Variants in SEC31A observed in about 807,000 individuals in gnomAD.
SEC31A encodes the protein SEC31 homolog A, COPII component.
SEC31A carries 70 observed loss-of-function variants against 151.0 expected under a neutral mutation model. The observed-to-expected ratio is 0.46, with a 90% CI of 0.38 to 0.57. SEC31A has a LOEUF of 0.57. Among genes scored for constraint, SEC31A ranks in the 20% least tolerant of loss-of-function variants. The pLI is 0.00. For synonymous variants in SEC31A, 475 were observed against 505.9 expected (o/e 0.94, Z 0.82); for missense variants, 1,330 against 1,471.2 (o/e 0.90, Z 1.57).
chr4:82,835,962 G>A (rs1320863463), intron 22 of SEC31A, among the ~76,000 whole-genome samples: 2 of 152,116 alleles, frequency 1.3e-5, no homozygotes, highest in South Asian at 2.1e-4. Flanking sequence ...TGAAACACTC[G>A]TGCATTCCTG....
chr4:82,830,526 C>T (rs550812025), intron 22 of SEC31A, among the ~76,000 whole-genome samples: 1 of 152,086 alleles, frequency 6.6e-6, no homozygotes, highest in South Asian at 2.1e-4. Flanking sequence ...TACTAGGAGA[C>T]AGAAAATCAG....
chr4:82,821,618 T>A (rs901634649), intron 25 of SEC31A, among the ~76,000 whole-genome samples: 2 of 117,554 alleles, frequency 1.7e-5, no homozygotes, highest in Admixed American at 1.8e-4. Flanking sequence ...CTATCAAGGG[T>A]GGAGGGTGGA....
upstream of SEC31A, among the ~76,000 whole-genome samples, chr4:82,891,885 G>A (rs6535407): frequency 0.25 from 38,171 of 152,158 alleles, 5,327 homozygotes; most frequent in East Asian, 0.49. Context: ...TTTACAGCAA[G>A]GTGAAGCCAA....
chr4:82,881,707 G>A (rs1739377792), intron 2 of SEC31A, 151 bp downstream of exon 2: 4 of 625,094 alleles, frequency 6.4e-6, no homozygotes, highest in Admixed American at 5.3e-5. Flanking sequence ...TGGGAACACA[G>A]AGGAAGAACA....
At chr4:82,892,938 T>C (rs1427493086), upstream of SEC31A, 2 of 152,258 alleles carry the variant, frequency 1.3e-5, no homozygotes, top group Non-Finnish European at 2.9e-5. Flanking sequence ...TTCACAAAAC[T>C]AAATCCAATT....
intron 1 of SEC31A, among the ~76,000 whole-genome samples, chr4:82,882,209 C>T (rs1393521108): frequency 2.6e-5 from 4 of 152,004 alleles, no homozygotes; most frequent in African/African-American, 4.8e-5. Flanking sequence ...TGAGACCATC[C>T]TGGCTAACAT....
chr4:82,872,080 A>G lies in SEC31A; in HGVS notation c.646T>C (p.Cys216Arg). ...KVSDHSNRMH[C>R]SGLAWHPDVA... ...TCAGGATGCCATGCCAACCCAGAAC[A>G]ATGCATCTGAAGATAGTTAAGGTTC... Residue 216 changes from cysteine (C) to arginine (R), a missense_variant, in exon 7 of 27, where the codon TGT becomes CGT. Coordinates refer to ENST00000395310, the MANE Select transcript of SEC31A (RefSeq NM_001077207.4). 6.2e-7 allele frequency: 1 copy of G among 1,613,048 alleles called. No individual in the cohort carries two copies. Among genetic ancestry groups the G allele is most frequent in the Non-Finnish European group, 8.5e-7 (1 of 1,179,096 alleles).
chr4:82,828,601 C>T (rs1053284031), intron 23 of SEC31A, among the ~76,000 whole-genome samples: 5 of 125,264 alleles, frequency 4.0e-5, no homozygotes, highest in East Asian at 2.7e-4. Flanking sequence ...TCATACTATA[C>T]GTGACAGAAA....
intron 2 of SEC31A, 42 bp downstream of exon 2, chr4:82,881,816 G>A: frequency 1.4e-6 from 2 of 1,466,412 alleles, no homozygotes; most frequent in Non-Finnish European, 1.9e-6. Context: ...CAGAAGAGAA[G>A]AAATTAGGTA....
chr4:82,856,062 C>T (rs1322765477), intron 16 of SEC31A, among the ~76,000 whole-genome samples: 1 of 152,118 alleles, frequency 6.6e-6, no homozygotes, highest in Non-Finnish European at 1.5e-5. Flanking sequence ...GTGTTTATTT[C>T]TATTTGGAAA....
In SEC31A at chr4:82,878,777, C is replaced by T. The variant is rs1315913269; in HGVS notation, c.355G>A (p.Asp119Asn). The change falls in exon 4 of 27, where the codon GAC becomes AAC. Residue 119 changes from aspartate to asparagine, a missense_variant. Asp to Asn is a conservative substitution (Grantham distance 23, BLOSUM62 1). Transcript: ENST00000395310. ...GDKEVVIAQN[D>N]KHTGPVRALD... is the part of the protein sequence containing the mutation. ...GCTCTCACTGGGCCAGTATGCTTGT[C>T]ATTCTGGGCAATCACAACTTCCTTG... The T allele has an allele frequency of 6.2e-7, 1 of 1,613,964 alleles. No individual in the cohort carries two copies. The highest frequency in any genetic ancestry group is 1.3e-5 in the African/African-American group (1 of 74,922).
Position 82,874,582 on chromosome 4 carries a change from T to C in SEC31A, c.639+29A>G, listed in dbSNP as rs765860612. The C allele has an allele frequency of 2.6e-6, 4 of 1,565,568 alleles. No individual in the cohort carries two copies. The South Asian group carries it at 4.8e-5, about 19-fold the overall frequency. ...GAATACCTACAGCAGAAATACAACA[T>C]GTTCATCACAAGTCAATCACATACT... On this transcript the variant is annotated intron_variant, in intron 6 of 26. Coordinates refer to ENST00000395310, the MANE Select transcript of SEC31A (RefSeq NM_001077207.4).
At chr4:82,849,079 T>C (rs1023204428) in intron 19 of SEC31A, 102 bp from the exon 20 acceptor site, 19 of 1,062,574 alleles carry the variant, frequency 1.8e-5, no homozygotes, top group Non-Finnish European at 2.5e-5. Context: ...TATCCCTTTT[T>C]GTTCATAATG....
At chr4:82,878,233 C>T (rs1032898929) in intron 4 of SEC31A, among the ~76,000 whole-genome samples, 29 of 151,960 alleles carry the variant, frequency 1.9e-4, no homozygotes, top group African/African-American at 6.3e-4. Flanking sequence ...CAGTGGCTCA[C>T]GTCTGTAATC....
rs565422386 is a variant in SEC31A at position 82,844,414 on chromosome 4, G to A, written c.2598C>T (p.Thr866=). ...QLPTSPGHMH[T]QVPPYPQPQP... is the part of the protein sequence containing the mutation. ...GTGGCTGTGGATAAGGTGGTACCTG[G>A]GTGTGCATATGACCTGGAGATGTGG... The change falls in exon 21 of 27, where the codon ACC becomes ACT. Residue 866 remains threonine (T), a synonymous_variant. Transcript: ENST00000395310. 4 of 1,614,064 alleles carry A rather than the reference G, an allele frequency of 2.5e-6. No homozygotes were observed. Among genetic ancestry groups the A allele is most frequent in the Admixed American group, 1.7e-5 (1 of 60,004 alleles).
intron 6 of SEC31A, 109 bp downstream of exon 6, chr4:82,874,502 C>A: frequency 1.6e-5 from 18 of 1,094,046 alleles, no homozygotes; most frequent in East Asian, 5.4e-5. Flanking sequence ...AATAAAAAAA[C>A]AGGATTTGAC....
chr4:82,881,208 G>C (rs575430350), intron 2 of SEC31A, among the ~76,000 whole-genome samples: 1 of 152,174 alleles, frequency 6.6e-6, no homozygotes, highest in African/African-American at 2.4e-5. Context: ...GCTCATGCCT[G>C]TAATCCCAGC....
In SEC31A at chr4:82,881,855, T is replaced by TA; in HGVS notation, c.79+2dup. 1 of 1,611,270 alleles carries TA rather than the reference T, an allele frequency of 6.2e-7. No homozygotes were observed. Among genetic ancestry groups the TA allele is most frequent in the Non-Finnish European group, 8.5e-7 (1 of 1,177,328 alleles). On this transcript the variant is annotated splice_region_variant and intron_variant, in intron 2 of 26. Transcript: ENST00000395310. ...CATACTATCTTCTCTCCTTTGAACTTACCTGTTGCTAGGTAAATGGGGTGA... is the reference window on the plus strand; with the variant it reads ...CATACTATCTTCTCTCCTTTGAACTTAACCTGTTGCTAGGTAAATGGGGTGA...
In SEC31A at chr4:82,871,999, T is replaced by C; in HGVS notation, c.727A>G (p.Met243Val). Reference sequence around the variant, plus strand: ...GAGGAAGCAAATCGAAGATCCCACATCTGGATCACTGGTAACCGGTCATCC... The same window carrying C: ...GAGGAAGCAAATCGAAGATCCCACACCTGGATCACTGGTAACCGGTCATCC... The part of the protein sequence containing the change: ...SEDDRLPVIQ[M>V]WDLRFASSPL... Residue 243 changes from methionine (M) to valine (V), a missense_variant, in exon 7 of 27, where the codon ATG (methionine) becomes GTG (valine). Transcript: ENST00000395310. The C allele has an allele frequency of 2.5e-6, 4 of 1,614,012 alleles. No individual in the cohort carries two copies. Among genetic ancestry groups the C allele is most frequent in the Non-Finnish European group, 3.4e-6 (4 of 1,179,916 alleles).
Sources: gnomAD v4.1 joint callset for allele counts (sites outside exome capture counted in the v4.1 genomes callset) on GRCh38, gnomAD v4.1.1 for gene constraint, MANE v1.5 for transcripts, NCBI Gene and HGNC (gene_info 2026-07-23, HGNC 2026-07-21) for gene names.